BAZ2B: variants seen among roughly 807,000 people sequenced by gnomAD.
The protein encoded by BAZ2B is bromodomain adjacent to zinc finger domain 2B, also known as bromodomain adjacent to zinc finger domain protein 2B.
Under a neutral mutation model 246.0 loss-of-function variants are expected in BAZ2B, and 91 were observed. That is an observed-to-expected ratio of 0.37 (90% CI 0.31 to 0.44). The LOEUF (loss-of-function observed/expected upper bound fraction) is 0.44, where lower values mean the gene tolerates loss of function less well. Among genes scored for constraint, BAZ2B ranks in the 20% least tolerant of loss-of-function variants. BAZ2B has a pLI of 1.00. For synonymous variants in BAZ2B, 855 were observed against 860.0 expected (o/e 0.99, Z 0.10); for missense variants, 2,332 against 2,533.7 (o/e 0.92, Z 1.71).
intron 2 of BAZ2B, among the ~76,000 whole-genome samples, chr2:159,549,445 C>T (rs894692931): frequency 1.3e-5 from 2 of 152,118 alleles, no homozygotes; most frequent in Admixed American, 6.6e-5. Context: ...TTTCTTGATC[C>T]CCTGTGCTAG....
chr2:159,575,965 A>AG (rs372802529), intron 1 of BAZ2B, among the ~76,000 whole-genome samples: 66 of 152,348 alleles, frequency 4.3e-4, no homozygotes, highest in African/African-American at 1.4e-3. Context: ...CTAAAATGCT[A>AG]GGACCAAAAT....
chr2:159,480,529 T>C (rs894239484), intron 2 of BAZ2B, among the ~76,000 whole-genome samples: 6 of 152,068 alleles, frequency 3.9e-5, no homozygotes, highest in Admixed American at 3.3e-4. Context: ...CCCTGAAGAA[T>C]TAATCTGAAT....
intron 3 of BAZ2B, among the ~76,000 whole-genome samples, chr2:159,470,783 G>T (rs976952996): frequency 2.0e-5 from 3 of 152,208 alleles, no homozygotes; most frequent in Non-Finnish European, 4.4e-5. Context: ...TAATGATAGA[G>T]AATGTGAAGG....
intron 12 of BAZ2B, 24 bp downstream of exon 12, chr2:159,428,287 C>A (rs757577389): frequency 6.4e-7 from 1 of 1,556,086 alleles, no homozygotes; most frequent in Non-Finnish European, 8.8e-7. Flanking sequence ...ACCAAATGTA[C>A]ATTATTTGGT....
intron 2 of BAZ2B, among the ~76,000 whole-genome samples, chr2:159,506,690 A>G (rs191084652): frequency 3.8e-4 from 58 of 152,374 alleles, no homozygotes; most frequent in African/African-American, 1.2e-3. Flanking sequence ...TGTGTTATCT[A>G]TAAGAATACA....
intron 13 of BAZ2B, among the ~76,000 whole-genome samples, chr2:159,424,678 T>A (rs1045031214): frequency 2.0e-5 from 3 of 152,290 alleles, no homozygotes; most frequent in African/African-American, 7.2e-5. Context: ...TCCCTTAGTA[T>A]CCAGGACCTC....
the BAZ2B span, among the ~76,000 whole-genome samples, chr2:159,644,526 CAG>C: frequency 6.6e-6 from 1 of 152,176 alleles, no homozygotes; most frequent in East Asian, 1.9e-4. Context: ...CTGGTAGTAG[CAG>C]CACTCATGAT....
chr2:159,604,907 T>C (rs1693042776), intron 1 of BAZ2B, among the ~76,000 whole-genome samples: 1 of 151,466 alleles, frequency 6.6e-6, no homozygotes, highest in Non-Finnish European at 1.5e-5. Context: ...TTGTTAAATC[T>C]AAAGAACTGA....
At chr2:159,682,291 C>T in the BAZ2B span, among the ~76,000 whole-genome samples, 3 of 151,316 alleles carry the variant, frequency 2.0e-5, no homozygotes, top group South Asian at 6.3e-4. Context: ...AACAATCCTC[C>T]CACTTCAGCC....
intron 2 of BAZ2B, among the ~76,000 whole-genome samples, chr2:159,498,817 T>C (rs2081415301): frequency 1.3e-5 from 2 of 152,218 alleles, no homozygotes; most frequent in Admixed American, 1.3e-4. Context: ...CTGAATTGCA[T>C]ACACTTGTCC....
intron 2 of BAZ2B, among the ~76,000 whole-genome samples, chr2:159,496,211 TA>T (rs539323369): frequency 9.8e-4 from 145 of 147,260 alleles, no homozygotes; most frequent in African/African-American, 2.4e-3. Context: ...CCATCTCTAC[TA>T]AAAAATACAA....
At chr2:159,525,526 T>C (rs1019787846) in intron 2 of BAZ2B, among the ~76,000 whole-genome samples, 1 of 152,186 alleles carries the variant, frequency 6.6e-6, no homozygotes, top group Non-Finnish European at 1.5e-5. Flanking sequence ...TCAGTTTATG[T>C]GTATAAGGTG....
intron 8 of BAZ2B, 92 bp from the exon 9 acceptor site, chr2:159,433,455 C>A: frequency 8.8e-7 from 1 of 1,131,354 alleles, no homozygotes; most frequent in Non-Finnish European, 1.2e-6. Flanking sequence ...CAAATTATAG[C>A]TATTATATCA....
chr2:159,671,372 C>G, the BAZ2B span, among the ~76,000 whole-genome samples: 2 of 152,110 alleles, frequency 1.3e-5, no homozygotes, highest in African/African-American at 2.4e-5. Context: ...CATATTAAGA[C>G]AGAAAATAAT....
chr2:159,335,444 G>A (rs1489556800), intron 33 of BAZ2B, among the ~76,000 whole-genome samples: 2 of 151,816 alleles, frequency 1.3e-5, no homozygotes, highest in Non-Finnish European at 2.9e-5. Context: ...CTACTCGGGA[G>A]GCTGAGGGCA....
At chr2:159,633,145 A>C in the BAZ2B span, among the ~76,000 whole-genome samples, 1 of 124,450 alleles carries the variant, frequency 8.0e-6, no homozygotes, top group African/African-American at 2.9e-5. Context: ...TTTTATTCCC[A>C]GAAAGTCTTT....
intron 34 of BAZ2B, among the ~76,000 whole-genome samples, chr2:159,326,552 A>G (rs370012121): frequency 2.0e-5 from 3 of 152,234 alleles, no homozygotes; most frequent in East Asian, 1.9e-4. Flanking sequence ...GAGAAAAACA[A>G]CATAGAAAGA....
Position 159,607,397 on chromosome 2 carries a change from G to A in BAZ2B, c.-46+8845C>T, listed in dbSNP as rs370968509. Among the ~76,000 whole-genome samples the A allele has an allele frequency of 2.6e-4, 39 of 152,286 alleles. 1 individual carries two copies. Among genetic ancestry groups the A allele is most frequent in the African/African-American group, 9.1e-4 (38 of 41,558 alleles). ...AGCATAGGAAAAGAACCAAGGAAAA[G>A]GGAGGGGTTCTGGTTAATCTCAAAA... On this transcript the variant is annotated intron_variant, in intron 1 of 36. Transcript: ENST00000392783.
At chr2:159,400,713 G>T in intron 16 of BAZ2B, 49 bp from the exon 17 acceptor site, 1 of 1,117,084 alleles carries the variant, frequency 9.0e-7, no homozygotes, top group Non-Finnish European at 1.3e-6. Flanking sequence ...AACTATCTGA[G>T]TAAAGAGTAT....
Sources: gnomAD v4.1 joint callset for allele counts (sites outside exome capture counted in the v4.1 genomes callset) on GRCh38, gnomAD v4.1.1 for gene constraint, MANE v1.5 for transcripts, NCBI Gene and HGNC (gene_info 2026-07-23, HGNC 2026-07-21) for gene names.